The following ITGBL1 variants were observed in gnomAD, a reference collection of about 807,000 sequenced individuals.
ITGBL1 encodes the protein integrin beta-like protein 1.
Under a neutral mutation model 68.5 loss-of-function variants are expected in ITGBL1, and 51 were observed. The ratio of observed to expected loss-of-function variants is 0.74; its 90% CI spans 0.59 to 0.94. The LOEUF (loss-of-function observed/expected upper bound fraction) is 0.94. Among genes scored for constraint, ITGBL1 ranks in the 40% least tolerant of loss-of-function variants. The pLI is 0.00. For synonymous variants in ITGBL1, 209 were observed against 227.3 expected, an observed-to-expected ratio of 0.92 and a Z score of 0.72; for missense variants, 649 against 647.4, an observed-to-expected ratio of 1.00 and a Z score of -0.03.
At chr13:101,632,644 A>G (rs2032024630) in intron 7 of ITGBL1, among the ~76,000 whole-genome samples, 1 of 152,246 alleles carries the variant, frequency 6.6e-6, no homozygotes, top group African/African-American at 2.4e-5. Context: ...TAAATTACTG[A>G]TAAAGACAAC....
intron 4 of ITGBL1, among the ~76,000 whole-genome samples, chr13:101,577,922 T>G (rs2050390878): frequency 2.0e-5 from 3 of 152,186 alleles, no homozygotes; most frequent in Admixed American, 2.0e-4. Context: ...AAAATTCAAA[T>G]TCATTGTGGA....
At chr13:101,669,725 TAC>T (rs1204164287) in intron 7 of ITGBL1, among the ~76,000 whole-genome samples, 6 of 152,188 alleles carry the variant, frequency 3.9e-5, no homozygotes, top group African/African-American at 1.2e-4. Flanking sequence ...TTGCCCAATT[TAC>T]AGTTTTCATT....
At chr13:101,714,289 T>A in intron 9 of ITGBL1, 149 bp from the exon 10 acceptor site, 1 of 634,956 alleles carries the variant, frequency 1.6e-6, no homozygotes, top group Non-Finnish European at 2.8e-6. Context: ...TAAGTAAAGC[T>A]CCCCTCTGAG....
intron 7 of ITGBL1, among the ~76,000 whole-genome samples, chr13:101,658,088 T>C (rs903019952): frequency 6.6e-6 from 1 of 152,240 alleles, no homozygotes; most frequent in Non-Finnish European, 1.5e-5. Flanking sequence ...AGTAAATTCA[T>C]CTACATTTGA....
chr13:101,502,013 C>T (rs888393334), intron 2 of ITGBL1, among the ~76,000 whole-genome samples: 1 of 151,866 alleles, frequency 6.6e-6, no homozygotes, highest in Admixed American at 6.6e-5. Flanking sequence ...TGAGCCTCAT[C>T]GTTGAAAGAA....
chr13:101,541,257 G>A (rs113460929), intron 2 of ITGBL1, among the ~76,000 whole-genome samples: 2 of 151,366 alleles, frequency 1.3e-5, no homozygotes, highest in African/African-American at 4.9e-5. Flanking sequence ...AGAGTTTTTA[G>A]CATGAAGGGT....
At chr13:101,552,153 T>G (rs1207002841) in intron 2 of ITGBL1, among the ~76,000 whole-genome samples, 1 of 152,196 alleles carries the variant, frequency 6.6e-6, no homozygotes, top group Non-Finnish European at 1.5e-5. Context: ...TGCAGTCCCT[T>G]TACCAAAATA....
rs1468077001 is a variant in ITGBL1 at position 101,542,022 on chromosome 13, A to AT, written c.317-25671dup. ...AAGAAACCAGCTCCTGGATTCATTG[A>AT]TTTTTTGAAGGGTTATTTGTGTCTC... On this transcript the variant is annotated intron_variant, in intron 2 of 10. Transcript: ENST00000376180. 1.2e-4 allele frequency among the ~76,000 whole-genome samples: 19 copies of AT among 152,148 alleles called. 1 individual carries two copies. Among genetic ancestry groups the AT allele is most frequent in the Middle Eastern group, 3.4e-3 (1 of 294 alleles).
chr13:101,496,915 G>A (rs1172223344), intron 2 of ITGBL1, among the ~76,000 whole-genome samples: 1 of 152,152 alleles, frequency 6.6e-6, no homozygotes, highest in African/African-American at 2.4e-5. Context: ...AGGTAAACAG[G>A]ATCTGTTTCA....
At chr13:101,457,146 G>A (rs2048255542) in intron 2 of ITGBL1, among the ~76,000 whole-genome samples, 1 of 152,178 alleles carries the variant, frequency 6.6e-6, no homozygotes, top group South Asian at 2.1e-4. Context: ...ATATTAAAAT[G>A]TATATATACA....
intron 2 of ITGBL1, among the ~76,000 whole-genome samples, chr13:101,471,695 G>A (rs1052457935): frequency 6.6e-6 from 1 of 152,168 alleles, no homozygotes; most frequent in Non-Finnish European, 1.5e-5. Context: ...CTACGTTTTC[G>A]GTATTGTGGA....
intron 8 of ITGBL1, among the ~76,000 whole-genome samples, chr13:101,693,754 T>C (rs1383389558): frequency 3.3e-5 from 5 of 152,064 alleles, no homozygotes; most frequent in Non-Finnish European, 7.4e-5. Context: ...ATTTGAAACC[T>C]GACAAAAAAA....
At chr13:101,649,741 C>T (rs1266094243) in intron 7 of ITGBL1, among the ~76,000 whole-genome samples, 2 of 152,170 alleles carry the variant, frequency 1.3e-5, no homozygotes, top group Non-Finnish European at 2.9e-5. Flanking sequence ...TATGTATTCA[C>T]CACACTACCT....
chr13:101,685,772 G>A (rs746276411), intron 7 of ITGBL1, among the ~76,000 whole-genome samples: 1 of 151,708 alleles, frequency 6.6e-6, no homozygotes, highest in African/African-American at 2.4e-5. Flanking sequence ...GGAAAATATA[G>A]AGGAAAGAAG....
chr13:101,477,951 T>G (rs924871776), intron 2 of ITGBL1, among the ~76,000 whole-genome samples: 2 of 151,986 alleles, frequency 1.3e-5, no homozygotes, highest in African/African-American at 4.8e-5. Flanking sequence ...TTTCAAAAAA[T>G]GGAGGAGGAG....
intron 2 of ITGBL1, among the ~76,000 whole-genome samples, chr13:101,504,034 A>G (rs756457764): frequency 2.0e-5 from 3 of 152,330 alleles, no homozygotes; most frequent in Non-Finnish European, 4.4e-5. Context: ...GCTGAAACAC[A>G]GGCATGTCCT....
chr13:101,600,688 G>C (rs1021539163), intron 7 of ITGBL1, among the ~76,000 whole-genome samples: 3 of 152,156 alleles, frequency 2.0e-5, no homozygotes, highest in Non-Finnish European at 4.4e-5. Context: ...TGCATGTATT[G>C]AGATAATCAT....
rs1010776503 is a variant in ITGBL1 at position 101,614,021 on chromosome 13, G to T, written c.1015+15722G>T. Among the ~76,000 whole-genome samples, 7 of 142,166 alleles carry T rather than the reference G, an allele frequency of 4.9e-5. No homozygotes were observed. In the South Asian group the frequency reaches 1.0e-3, roughly 21 times the overall value. The allele number at this position is 142,166 out of a possible 152,430, so 93.3% of individuals were successfully genotyped here. On this transcript the variant is annotated intron_variant, in intron 7 of 10. Transcript: ENST00000376180. ...TCCTTTCCCAAAGCTTTGTTGAATA[G>T]GGATAGGAGGGAAAGGAATGAGTCA...
chr13:101,573,999 C>A (rs141640741), intron 3 of ITGBL1, among the ~76,000 whole-genome samples: 32 of 152,244 alleles, frequency 2.1e-4, no homozygotes, highest in African/African-American at 3.8e-4. Context: ...AATATAACAG[C>A]CTTTTAACTC....
Sources: allele counts gnomAD v4.1 joint callset (sites outside exome capture counted in the v4.1 genomes callset), GRCh38; gene constraint gnomAD v4.1.1; transcripts MANE v1.5; gene names NCBI Gene and HGNC (gene_info 2026-07-23, HGNC 2026-07-21).